VWF: variants seen among roughly 807,000 people sequenced by gnomAD.
VWF encodes von Willebrand factor.
Under a neutral mutation model 308.6 loss-of-function variants are expected in VWF, and 176 were observed. The ratio of observed to expected loss-of-function variants is 0.57; its 90% CI spans 0.50 to 0.65. The LOEUF (loss-of-function observed/expected upper bound fraction) is 0.65, where lower values mean the gene tolerates loss of function less well. VWF is among the 30% of genes least tolerant of loss of function. The pLI is 0.00. For missense variants in VWF, 3,146 were observed against 3,648.2 expected (o/e 0.86, Z 3.55); for synonymous variants, 1,385 against 1,443.4 (o/e 0.96, Z 0.92).
At chr12:6,102,004 C>A (rs1209373975) in intron 5 of VWF, among the ~76,000 whole-genome samples, 2 of 151,904 alleles carry the variant, frequency 1.3e-5, no homozygotes, top group Non-Finnish European at 2.9e-5. Context: ...TGGGGGAGGG[C>A]GGAATTTTCT....
Position 6,091,988 on chromosome 12 carries a change from G to A in VWF, c.657+3472C>T, listed in dbSNP as rs1032275605. Among the ~76,000 whole-genome samples, 7 of 152,076 alleles carry A rather than the reference G, an allele frequency of 4.6e-5. No homozygotes were observed. In the East Asian group the frequency reaches 5.8e-4, roughly 13 times the overall value. On this transcript the variant is annotated intron_variant, in intron 6 of 51. Transcript: ENST00000261405. ...TGCTCTGCTGATGGGCTGCGCACTCGGGTGACTGCAGCATGCACTCACGCT... is the reference window on the plus strand; with the variant it reads ...TGCTCTGCTGATGGGCTGCGCACTCAGGTGACTGCAGCATGCACTCACGCT...
At chr12:6,093,991 A>G (rs1260454889) in intron 6 of VWF, among the ~76,000 whole-genome samples, 1 of 152,202 alleles carries the variant, frequency 6.6e-6, no homozygotes, top group African/African-American at 2.4e-5. Context: ...CAGCCTTGTC[A>G]GGGTTGGCAG....
chr12:6,104,187 C>G lies in VWF; in HGVS notation c.532+6187G>C, dbSNP rs143717675. On this transcript the variant is annotated intron_variant, in intron 5 of 51. Transcript: ENST00000261405. ...AATGTGAAAAAAATGGTCAACATAA[C>G]TTGTCATGAGAGAAATGCAAATTAA... 5.9e-5 allele frequency among the ~76,000 whole-genome samples: 9 copies of G among 152,120 alleles called. No individual in the cohort carries two copies. In the East Asian group the frequency reaches 1.7e-3, roughly 29 times the overall value.
Position 6,095,477 on chromosome 12 carries a change from A to G in VWF, c.640T>C (p.Ser214Pro). Reference sequence around the variant, plus strand: ...ACACCCACCTTCTGCATTTCCCCAGAGGAGATGTTGCATGAGCTGCTGGGA... The same window carrying G: ...ACACCCACCTTCTGCATTTCCCCAGGGGAGATGTTGCATGAGCTGCTGGGA... ...SPPSSSCNIS[S>P]GEMQKGLWEQ... The change falls in exon 6 of 52, where the codon TCT (serine) becomes CCT (proline). Residue 214 changes from serine (S) to proline (P), a missense_variant. By Grantham distance (74) the Ser-to-Pro change is moderately conservative. Coordinates refer to ENST00000261405, the MANE Select transcript of VWF (RefSeq NM_000552.5). 1 of 1,614,056 alleles carries G rather than the reference A, an allele frequency of 6.2e-7. No homozygotes were observed. Among genetic ancestry groups the G allele is most frequent in the Non-Finnish European group, 8.5e-7 (1 of 1,179,982 alleles).
rs1416901460 is a variant in VWF at position 6,024,573 on chromosome 12, C to T, written c.3223-786G>A. The stretch of plus-strand genomic sequence containing the variant: ...GCATAGATAGAAAGAGAATTGAGAT[C>T]CATGTTTTCAACCAGTCTCTCCCAC... On this transcript the variant is annotated intron_variant, in intron 24 of 51. Coordinates refer to ENST00000261405, the MANE Select transcript of VWF (RefSeq NM_000552.5). The surrounding 1 kb of genome is among the most constrained non-coding windows in gnomAD (Gnocchi z 4.0). Among the ~76,000 whole-genome samples the T allele has an allele frequency of 6.6e-6, 1 of 152,234 alleles. No individual in the cohort carries two copies. The highest frequency in any genetic ancestry group is 1.9e-4 in the East Asian group (1 of 5,206).
chr12:6,014,407 A>C (rs1944034726), intron 31 of VWF, among the ~76,000 whole-genome samples: 1 of 152,222 alleles, frequency 6.6e-6, no homozygotes, highest in Non-Finnish European at 1.5e-5. Flanking sequence ...CTGGGGTTCC[A>C]GTTAGACAGC....
At chr12:5,964,245 T>TA (rs879517293) in intron 47 of VWF, among the ~76,000 whole-genome samples, 7 of 142,782 alleles carry the variant, frequency 4.9e-5, no homozygotes, top group African/African-American at 2.0e-4. Context: ...CATACATACA[T>TA]ACATGCATAC....
At chr12:6,008,611 C>T (rs1254618089) in intron 34 of VWF, among the ~76,000 whole-genome samples, 1 of 152,134 alleles carries the variant, frequency 6.6e-6, no homozygotes, top group Non-Finnish European at 1.5e-5. Context: ...ATCAGGAAGA[C>T]GGCAAAGATG....
intron 38 of VWF, among the ~76,000 whole-genome samples, chr12:5,988,690 A>G (rs1943706022): frequency 6.6e-6 from 1 of 152,234 alleles, no homozygotes; most frequent in Non-Finnish European, 1.5e-5. Context: ...GCTAAGGCCA[A>G]GCTTCTAAAA....
intron 31 of VWF, among the ~76,000 whole-genome samples, chr12:6,015,400 A>G (rs1331046094): frequency 1.3e-5 from 2 of 152,006 alleles, no homozygotes; most frequent in Non-Finnish European, 2.9e-5. Context: ...AGCAGAGAAA[A>G]GACAGGGTTC....
chr12:6,102,049 A>G (rs1433637315), intron 5 of VWF, among the ~76,000 whole-genome samples: 2 of 152,356 alleles, frequency 1.3e-5, no homozygotes, highest in East Asian at 1.9e-4. Flanking sequence ...AAACCAGAAG[A>G]AGGCACAGAT....
chr12:6,032,451 A>G (rs1944276972), intron 20 of VWF, among the ~76,000 whole-genome samples: 1 of 151,496 alleles, frequency 6.6e-6, no homozygotes, highest in African/African-American at 2.4e-5. Context: ...CAGCCTGGTT[A>G]ACACGGTGAA....
chr12:6,012,684 T>C lies in VWF; in HGVS notation c.5621-554A>G, dbSNP rs555636157. 8.3e-5 allele frequency among the ~76,000 whole-genome samples: 12 copies of C among 144,338 alleles called. 1 individual carries two copies. Among genetic ancestry groups the C allele is most frequent in the African/African-American group, 3.2e-4 (12 of 37,790 alleles). The allele number at this position is 144,338 out of a possible 152,430, so 94.7% of individuals were successfully genotyped here. A position where few individuals can be genotyped will look rare whatever the true frequency, so the allele number is the denominator to read the frequency against. ...CCAGGCCCCCGCCACAAAAAAAGCGTGTGTGTGTGTGTGTGTGTATTTTTT... is the reference window on the plus strand; with the variant it reads ...CCAGGCCCCCGCCACAAAAAAAGCGCGTGTGTGTGTGTGTGTGTATTTTTT... On this transcript the variant is annotated intron_variant, in intron 32 of 51. Transcript: ENST00000261405.
chr12:6,013,718 C>T (rs1944023764), intron 31 of VWF, 73 bp from the exon 32 acceptor site: 1 of 1,555,498 alleles, frequency 6.4e-7, no homozygotes. Context: ...GACGTTATAT[C>T]CAGCATCTGA....
chr12:5,952,431 C>A lies in VWF; in HGVS notation c.8075G>T (p.Gly2692Val). The A allele has an allele frequency of 6.2e-7, 1 of 1,614,108 alleles. No homozygotes were observed. The highest frequency in any genetic ancestry group is 8.5e-7 in the Non-Finnish European group (1 of 1,179,968). Residue 2692 changes from glycine (G) to valine (V), a missense_variant, in exon 49 of 52, where the codon GGC becomes GTC. This residue lies in a region of VWF where 989 missense variants were observed against 1,117.4 expected (regional missense o/e 0.89). Coordinates refer to ENST00000261405, the MANE Select transcript of VWF (RefSeq NM_000552.5). Reference sequence around the variant, plus strand: ...CTTGTGTTCATCAAAGGGTGGGCAGCCTGTGACCCTCTTCTCCCAGAAGTA... The same window carrying A: ...CTTGTGTTCATCAAAGGGTGGGCAGACTGTGACCCTCTTCTCCCAGAAGTA... ...GEYFWEKRVT[G>V]CPPFDEHKCL...
intron 47 of VWF, among the ~76,000 whole-genome samples, chr12:5,959,926 G>A (rs1309282004): frequency 6.6e-6 from 1 of 150,540 alleles, no homozygotes; most frequent in African/African-American, 2.4e-5. Flanking sequence ...TAAAAGAAGA[G>A]CAAATTAGAC....
chr12:6,041,702 C>T (rs1241014966), intron 18 of VWF, among the ~76,000 whole-genome samples: 1 of 152,166 alleles, frequency 6.6e-6, no homozygotes, highest in Admixed American at 6.5e-5. Flanking sequence ...CCGCCTCAGC[C>T]TCCCAAAGTG....
At chr12:5,964,238 A>ACATACATG (rs757631019) in intron 47 of VWF, among the ~76,000 whole-genome samples, 16 of 138,716 alleles carry the variant, frequency 1.2e-4, no homozygotes, top group South Asian at 4.5e-4. Flanking sequence ...ATACATACAT[A>ACATACATG]CATACATACA....
Position 6,044,460 on chromosome 12 carries a change from T to C in VWF, c.2282-9A>G, listed in dbSNP as rs1465281741. The C allele has an allele frequency of 1.2e-6, 2 of 1,613,624 alleles. No homozygotes were observed. The highest frequency in any genetic ancestry group is 4.5e-5 in the East Asian group (2 of 44,882). Reference sequence around the variant, plus strand: ...GGATAGGCTCCTTTTGCCTCGAAGGTAGGAAAAGCAAAGAGATGATTAGTG... The same window carrying C: ...GGATAGGCTCCTTTTGCCTCGAAGGCAGGAAAAGCAAAGAGATGATTAGTG... On this transcript the variant is annotated splice_polypyrimidine_tract_variant and intron_variant, in intron 17 of 51. Coordinates refer to ENST00000261405, the MANE Select transcript of VWF (RefSeq NM_000552.5).
Sources: allele counts gnomAD v4.1 joint callset (sites outside exome capture counted in the v4.1 genomes callset), GRCh38; gene constraint gnomAD v4.1.1; regional missense constraint gnomAD v4.1.1; non-coding constraint Gnocchi (gnomAD v3.1); transcripts MANE v1.5; gene names NCBI Gene and HGNC (gene_info 2026-07-23, HGNC 2026-07-21).